WIPF3: variants seen among roughly 807,000 people sequenced by gnomAD.
WIPF3 encodes WAS/WASL interacting protein family member 3.
In WIPF3, 33 loss-of-function variants were observed where a neutral mutation model predicts 38.9. The ratio of observed to expected loss-of-function variants is 0.85; its 90% confidence interval spans 0.64 to 1.14. WIPF3 has a LOEUF of 1.14. Among genes scored for constraint, WIPF3 ranks in the 50% most tolerant of loss-of-function variants. The probability of loss-of-function intolerance (pLI) is 0.00; values close to 1 mark genes in which losing one functional copy is unlikely to be tolerated. For missense variants in WIPF3, 711 were observed against 652.5 expected (o/e 1.09, Z -0.98); for synonymous variants, 324 against 269.3 (o/e 1.20, Z -1.99).
At chr7:29,905,140 G>C (rs1043476974) in intron 8 of WIPF3, 1 of 152,194 alleles carries the variant, frequency 6.6e-6, no homozygotes, top group Non-Finnish European at 1.5e-5. Context: ...GAAGAGGCTA[G>C]GTTCCTGGAA....
At chr7:29,901,365 T>G (rs1181532666) in intron 7 of WIPF3, among the ~76,000 whole-genome samples, 1 of 147,022 alleles carries the variant, frequency 6.8e-6, no homozygotes, top group Non-Finnish European at 1.5e-5. Context: ...TCCCGGCCAC[T>G]CACTTCTAGC....
At chr7:29,842,494 CAG>C (rs1188280881) in intron 2 of WIPF3, among the ~76,000 whole-genome samples, 1 of 152,174 alleles carries the variant, frequency 6.6e-6, no homozygotes, top group Non-Finnish European at 1.5e-5. Context: ...TCCTGTTTGC[CAG>C]AGTCTTTGCT....
chr7:29,885,859 C>T (rs1356536077), intron 5 of WIPF3, among the ~76,000 whole-genome samples: 1 of 152,028 alleles, frequency 6.6e-6, no homozygotes, highest in Non-Finnish European at 1.5e-5. Context: ...ATAACATCAC[C>T]CAGAGATGAA....
chr7:29,907,642 C>T (rs1254413434), intron 8 of WIPF3, among the ~76,000 whole-genome samples: 2 of 152,164 alleles, frequency 1.3e-5, no homozygotes, highest in East Asian at 3.8e-4. Context: ...GGAGCTTGTT[C>T]ATCCCTTTCA....
Position 29,878,463 on chromosome 7 carries a change from G to C in WIPF3, c.224-546G>C, listed in dbSNP as rs968218211. ...TTCCATAGATGAAAAGGTGCAGGGA[G>C]GTGCGAGGGGCTGGGGGCTTGAGGG... On this transcript the variant is annotated intron_variant, in intron 3 of 8. Transcript: ENST00000242140. This position sits in a 1 kb window ranked among gnomAD's most constrained non-coding sequence, Gnocchi z 4.0. Among the ~76,000 whole-genome samples the C allele has an allele frequency of 1.3e-5, 2 of 152,170 alleles. No individual in the cohort carries two copies. Among genetic ancestry groups the C allele is most frequent in the African/African-American group, 4.8e-5 (2 of 41,428 alleles).
intron 2 of WIPF3, among the ~76,000 whole-genome samples, chr7:29,866,597 T>A (rs1020409254): frequency 5.2e-5 from 8 of 152,384 alleles, no homozygotes; most frequent in Non-Finnish European, 1.0e-4. Flanking sequence ...TGGCATTTAA[T>A]GCACTCATCA....
In WIPF3 at chr7:29,871,753, G is replaced by A. The variant is rs576623075; in HGVS notation, c.91-4077G>A. 5.9e-5 allele frequency among the ~76,000 whole-genome samples: 9 copies of A among 152,236 alleles called. No homozygotes were observed. The East Asian group carries it at 1.5e-3, about 26-fold the overall frequency. ...ATAATGTATCCAGGTGAGAGAAAAG[G>A]CCCCTCCGTATTTTTTTTATTCTAT... is the stretch of plus-strand genomic sequence containing the variant. On this transcript the variant is annotated intron_variant, in intron 2 of 8. Transcript: ENST00000242140.
chr7:29,904,213 A>T, intron 7 of WIPF3, 73 bp from the exon 8 acceptor site: 1 of 1,470,732 alleles, frequency 6.8e-7, no homozygotes, highest in Non-Finnish European at 9.5e-7. Flanking sequence ...TGATTTAGAG[A>T]AAGTTTCTCT....
intron 7 of WIPF3, among the ~76,000 whole-genome samples, chr7:29,890,207 C>A (rs1785975170): frequency 6.6e-6 from 1 of 152,036 alleles, no homozygotes; most frequent in African/African-American, 2.4e-5. Context: ...AAATAATTAG[C>A]CAGGTGTGGT....
intron 1 of WIPF3, among the ~76,000 whole-genome samples, chr7:29,822,530 C>G (rs922886521): frequency 1.3e-5 from 2 of 152,184 alleles, no homozygotes; most frequent in African/African-American, 4.8e-5. Context: ...GGTCTAAGAT[C>G]AGTTCTGCTG....
chr7:29,822,010 A>C (rs1784543715), intron 1 of WIPF3, among the ~76,000 whole-genome samples: 1 of 152,040 alleles, frequency 6.6e-6, no homozygotes, highest in Non-Finnish European at 1.5e-5. Flanking sequence ...CCTTTAAGTT[A>C]ATAATTGTAT....
chr7:29,828,323 A>G (rs933854694), intron 1 of WIPF3, among the ~76,000 whole-genome samples: 6 of 152,184 alleles, frequency 3.9e-5, no homozygotes, highest in African/African-American at 1.4e-4. Flanking sequence ...TTTTATTAAA[A>G]GAGAGGCAAG....
At chr7:29,833,694 G>A (rs935471734) in intron 1 of WIPF3, among the ~76,000 whole-genome samples, 2 of 152,148 alleles carry the variant, frequency 1.3e-5, no homozygotes, top group Non-Finnish European at 2.9e-5. Context: ...AAAACATAGG[G>A]ACAGGCCTTG....
intron 2 of WIPF3, among the ~76,000 whole-genome samples, chr7:29,875,058 A>C (rs1785561987): frequency 6.6e-6 from 1 of 152,124 alleles, no homozygotes; most frequent in South Asian, 2.1e-4. Context: ...TTAAACGCAC[A>C]AGGTCTTGTG....
In WIPF3 at chr7:29,868,518, G is replaced by GTATATATA. The variant is rs138569662; in HGVS notation, c.91-7301_91-7294dup. Among the ~76,000 whole-genome samples, 346 of 148,170 alleles carry GTATATATA rather than the reference G, an allele frequency of 2.3e-3. 2 individuals are homozygous for GTATATATA. Among genetic ancestry groups the GTATATATA allele is most frequent in the Admixed American group, 3.9e-3 (58 of 14,822 alleles). On this transcript the variant is annotated intron_variant, in intron 2 of 8. Transcript: ENST00000242140. Reference sequence around the variant, plus strand: ...GGGTCTAGAGTATAAATAATGAGAAGTATATATATATATATATACACACAC... The same window carrying GTATATATA: ...GGGTCTAGAGTATAAATAATGAGAAGTATATATATATATATATATATATATACACACAC...
At chr7:29,843,986 A>G (rs1052128816) in intron 2 of WIPF3, among the ~76,000 whole-genome samples, 2 of 151,608 alleles carry the variant, frequency 1.3e-5, no homozygotes, top group Non-Finnish European at 2.9e-5. Flanking sequence ...ACATCTCTGC[A>G]GTGGAGGGCT....
chr7:29,818,629 A>G (rs573299854), intron 1 of WIPF3, among the ~76,000 whole-genome samples: 151 of 151,118 alleles, frequency 1.0e-3, no homozygotes, highest in Middle Eastern at 3.5e-3. Flanking sequence ...ATATATTGCC[A>G]TATTATTTGG....
chr7:29,838,269 T>C (rs745609603), intron 2 of WIPF3, among the ~76,000 whole-genome samples: 15 of 152,174 alleles, frequency 9.9e-5, no homozygotes, highest in Non-Finnish European at 1.8e-4. Context: ...TAGGCACTTA[T>C]AACTCTTGGT....
In WIPF3 at chr7:29,890,061, C is replaced by A. The variant is rs182202676; in HGVS notation, c.1351+654C>A. On this transcript the variant is annotated intron_variant, in intron 7 of 8. Transcript: ENST00000242140. ...CATTTAACCCAGCTTAACTGTTCAG[C>A]CTTAAGAGTAGAAAGATGAGCCAGG... 3.6e-3 allele frequency among the ~76,000 whole-genome samples: 550 copies of A among 152,284 alleles called. 5 individuals carry two copies. Among genetic ancestry groups the A allele is most frequent in the South Asian group, 0.011 (52 of 4,828 alleles).
Sources: allele counts gnomAD v4.1 joint callset (sites outside exome capture counted in the v4.1 genomes callset), GRCh38; gene constraint gnomAD v4.1.1; non-coding constraint Gnocchi (gnomAD v3.1); transcripts MANE v1.5; gene names NCBI Gene and HGNC (gene_info 2026-07-23, HGNC 2026-07-21).